PTCHD4: variants seen among roughly 807,000 people sequenced by gnomAD.
The protein encoded by PTCHD4 is patched domain-containing protein 4.
PTCHD4 carries 33 observed loss-of-function variants against 58.1 expected under a neutral mutation model. That is an observed-to-expected ratio of 0.57 (90% CI 0.43 to 0.76). PTCHD4 has a LOEUF of 0.76. PTCHD4 is among the 30% of genes least tolerant of loss of function. PTCHD4 has a pLI of 0.00. For missense variants in PTCHD4, 1,058 were observed against 1,027.1 expected (o/e 1.03, Z -0.41); for synonymous variants, 478 against 409.6 (o/e 1.17, Z -2.02).
At chr6:47,974,540 T>C (rs1767624940) in intron 4 of PTCHD4, among the ~76,000 whole-genome samples, 1 of 152,136 alleles carries the variant, frequency 6.6e-6, no homozygotes, top group Admixed American at 6.5e-5. Flanking sequence ...TCCTGTGCAT[T>C]GTAGTATGTT....
chr6:47,904,036 A>G (rs1764797820), intron 4 of PTCHD4, among the ~76,000 whole-genome samples: 1 of 152,156 alleles, frequency 6.6e-6, no homozygotes, highest in Admixed American at 6.5e-5. Flanking sequence ...ATGTTCAAGG[A>G]GTGGCCCAAA....
chr6:47,865,057 A>G lies in PTCHD4; in HGVS notation c.*13246T>C, dbSNP rs1465115038. ...CACCTGAACTGCTAAATTCCCTGAA[A>G]TGCAAATAAATCTCAAGAATTATTT... is the stretch of plus-strand genomic sequence containing the variant. On this transcript the variant is annotated 3_prime_UTR_variant, in exon 5 of 5. Coordinates refer to ENST00000339488, the MANE Select transcript of PTCHD4 (RefSeq NM_001384253.1). Among the ~76,000 whole-genome samples, 1 of 151,892 alleles carries G rather than the reference A, an allele frequency of 6.6e-6. No individual in the cohort carries two copies. Among genetic ancestry groups the G allele is most frequent in the Non-Finnish European group, 1.5e-5 (1 of 67,910 alleles).
Position 47,878,373 on chromosome 6 carries a change from T to C in PTCHD4, c.2462A>G (p.Lys821Arg). 1 of 1,612,620 alleles carries C rather than the reference T, an allele frequency of 6.2e-7. No individual in the cohort carries two copies. The highest frequency in any genetic ancestry group is 8.5e-7 in the Non-Finnish European group (1 of 1,179,378). The change falls in exon 5 of 5, where the codon AAG becomes AGG. Residue 821 changes from lysine to arginine, a missense_variant. By Grantham distance (26) the Lys-to-Arg change is conservative. Coordinates refer to ENST00000339488, the MANE Select transcript of PTCHD4 (RefSeq NM_001384253.1). ...KKHHKKKKRA[K>R]RKEREEIECI... ...TTCAATTTCCTCTCTCTCCTTTCGC[T>C]TGGCACGTTTCTTTTTCTTGTGGTG...
intron 3 of PTCHD4, among the ~76,000 whole-genome samples, chr6:48,037,308 T>A (rs2753204): frequency 5.5e-4 from 83 of 152,010 alleles, no homozygotes; most frequent in Admixed American, 1.6e-3. Context: ...ATCATAGGTA[T>A]GTATGTGTAG....
intron 1 of PTCHD4, among the ~76,000 whole-genome samples, chr6:48,086,420 A>C (rs771982500): frequency 6.6e-6 from 1 of 152,164 alleles, no homozygotes; most frequent in Non-Finnish European, 1.5e-5. Context: ...AGACTCCTGC[A>C]CTAGAAGAAT....
intron 4 of PTCHD4, among the ~76,000 whole-genome samples, chr6:47,961,779 G>T (rs1767105737): frequency 6.6e-6 from 1 of 152,090 alleles, no homozygotes; most frequent in South Asian, 2.1e-4. Context: ...TACTTAGGGA[G>T]AAATTTACTG....
rs1485025325 is a variant in PTCHD4, at chr6:47,865,977, G to A, written c.*12326C>T. Among the ~76,000 whole-genome samples, 1 of 151,720 alleles carries A rather than the reference G, an allele frequency of 6.6e-6. No individual in the cohort carries two copies. The highest frequency in any genetic ancestry group is 6.6e-5 in the Admixed American group (1 of 15,204). On this transcript the variant is annotated 3_prime_UTR_variant, in exon 5 of 5. Coordinates refer to ENST00000339488, the MANE Select transcript of PTCHD4 (RefSeq NM_001384253.1). ...ATTCTGTGCTTTTGTTGCATGTTAT[G>A]GCTTTGCTCAGTCTGGTCCCGTCAC...
intron 4 of PTCHD4, among the ~76,000 whole-genome samples, chr6:47,886,482 G>GT (rs142502830): frequency 0.015 from 2,353 of 151,930 alleles, 58 homozygotes; most frequent in African/African-American, 0.049. Flanking sequence ...AGAAATAGAG[G>GT]TTAAAAAAAA....
intron 4 of PTCHD4, among the ~76,000 whole-genome samples, chr6:47,906,457 C>A (rs184883120): frequency 4.1e-4 from 62 of 152,218 alleles, no homozygotes; most frequent in Non-Finnish European, 8.7e-4. Flanking sequence ...AGAGATGGAG[C>A]CTGGTGTTAG....
At chr6:47,904,901 A>C (rs1764827114) in intron 4 of PTCHD4, among the ~76,000 whole-genome samples, 3 of 152,216 alleles carry the variant, frequency 2.0e-5, no homozygotes, top group African/African-American at 7.2e-5. Context: ...AATTTACATT[A>C]GATGAGGCCA....
chr6:48,034,362 C>A (rs148252728), intron 3 of PTCHD4, among the ~76,000 whole-genome samples: 1 of 152,188 alleles, frequency 6.6e-6, no homozygotes, highest in East Asian at 1.9e-4. Flanking sequence ...TGGGTGACTA[C>A]ATGTGGTTGT....
Position 47,877,902 on chromosome 6 carries a change from T to C in PTCHD4, c.*401A>G, listed in dbSNP as rs955683516. On this transcript the variant is annotated 3_prime_UTR_variant, in exon 5 of 5. Transcript: ENST00000339488. ...GACCAACCTGTTCAAAAAACAAGCA[T>C]GAAAAGTGCCATGGCACATTTCCCA... The C allele has an allele frequency of 1.2e-5, 2 of 161,550 alleles. No homozygotes were observed. Among genetic ancestry groups the C allele is most frequent in the African/African-American group, 2.4e-5 (1 of 41,626 alleles). The allele number at this position is 161,550 out of a possible 1,614,324, so 10.0% of individuals were successfully genotyped here.
rs895597839 is a variant in PTCHD4, at chr6:47,874,399, A to G, written c.*3904T>C. 1.3e-5 allele frequency among the ~76,000 whole-genome samples: 2 copies of G among 151,806 alleles called. No homozygotes were observed. Among genetic ancestry groups the G allele is most frequent in the Admixed American group, 1.3e-4 (2 of 15,190 alleles). On this transcript the variant is annotated 3_prime_UTR_variant, in exon 5 of 5. Transcript: ENST00000339488. ...TTTAATAACCTATGTACTATTAATAACAAAGCATGCATAGTGCCGTGCATT... is the reference window on the plus strand; with the variant it reads ...TTTAATAACCTATGTACTATTAATAGCAAAGCATGCATAGTGCCGTGCATT...
chr6:47,879,559 C>T lies in PTCHD4; in HGVS notation c.1276G>A (p.Gly426Arg). The T allele has an allele frequency of 6.2e-7, 1 of 1,613,736 alleles. No homozygotes were observed. Among genetic ancestry groups the T allele is most frequent in the Non-Finnish European group, 8.5e-7 (1 of 1,179,778 alleles). Reference protein sequence around the residue: ...PVWFQTVMSDGHQQTSHHETN... With the variant: ...PVWFQTVMSDRHQQTSHHETN... ...TCATGATGGGACGTCTGTTGATGCC[C>T]ATCACTCATCACTGTCTGGAACCAC... Residue 426 changes from glycine to arginine, a missense_variant, in exon 5 of 5, where the codon GGG (glycine) becomes AGG (arginine). Coordinates refer to ENST00000339488, the MANE Select transcript of PTCHD4 (RefSeq NM_001384253.1).
intron 3 of PTCHD4, among the ~76,000 whole-genome samples, chr6:48,013,355 C>A (rs1762752497): frequency 6.9e-6 from 1 of 145,154 alleles, no homozygotes; most frequent in Non-Finnish European, 1.5e-5. Context: ...AAGGAACAAT[C>A]CAATAAGAAT....
intron 4 of PTCHD4, among the ~76,000 whole-genome samples, chr6:47,958,710 G>A (rs1766965529): frequency 6.6e-6 from 1 of 152,168 alleles, no homozygotes; most frequent in South Asian, 2.1e-4. Context: ...ATTAGCACAT[G>A]TGTGAGAAAA....
intron 4 of PTCHD4, among the ~76,000 whole-genome samples, chr6:47,932,005 TAA>T (rs746269062): frequency 7.0e-4 from 106 of 152,252 alleles, no homozygotes; most frequent in South Asian, 1.5e-3. Flanking sequence ...CTGCAAAACC[TAA>T]GAGTGGGCCT....
At chr6:47,989,957 A>G (rs1344490574) in intron 4 of PTCHD4, among the ~76,000 whole-genome samples, 1 of 152,170 alleles carries the variant, frequency 6.6e-6, no homozygotes, top group African/African-American at 2.4e-5. Flanking sequence ...AGCCCACAAA[A>G]GCAACCAGGA....
At chr6:48,041,200 T>C (rs1252035958) in intron 3 of PTCHD4, among the ~76,000 whole-genome samples, 2 of 152,042 alleles carry the variant, frequency 1.3e-5, no homozygotes, top group Non-Finnish European at 2.9e-5. Flanking sequence ...TCCACCCAGG[T>C]GAGAATGTAA....
Sources: gnomAD v4.1 joint callset for allele counts (sites outside exome capture counted in the v4.1 genomes callset) on GRCh38, gnomAD v4.1.1 for gene constraint, MANE v1.5 for transcripts, NCBI Gene and HGNC (gene_info 2026-07-23, HGNC 2026-07-21) for gene names.